GALNTL6: variants seen among roughly 807,000 people sequenced by gnomAD.
The protein encoded by GALNTL6 is polypeptide N-acetylgalactosaminyltransferase-like 6.
In GALNTL6, 46 loss-of-function variants were observed where a neutral mutation model predicts 73.7. The observed-to-expected ratio is 0.62, with a 90% CI of 0.49 to 0.80. GALNTL6 has a LOEUF of 0.80. Among genes scored for constraint, GALNTL6 ranks in the 30% least tolerant of loss-of-function variants. GALNTL6 has a pLI of 0.00. For synonymous variants in GALNTL6, 259 were observed against 263.7 expected (o/e 0.98, Z 0.17); for missense variants, 604 against 755.0 (o/e 0.80, Z 2.34).
At chr4:172,143,022 T>C (rs1395337173) in intron 2 of GALNTL6, among the ~76,000 whole-genome samples, 1 of 152,000 alleles carries the variant, frequency 6.6e-6, no homozygotes, top group Non-Finnish European at 1.5e-5. Context: ...GATAGACAGA[T>C]AGATAGATAA....
chr4:172,825,473 G>A (rs545048119), intron 7 of GALNTL6, among the ~76,000 whole-genome samples: 1 of 152,242 alleles, frequency 6.6e-6, no homozygotes, highest in African/African-American at 2.4e-5. Flanking sequence ...ATGTTAGCGT[G>A]TTTTTCTATC....
intron 2 of GALNTL6, among the ~76,000 whole-genome samples, chr4:172,214,653 T>C (rs1736440125): frequency 6.6e-6 from 1 of 151,958 alleles, no homozygotes; most frequent in South Asian, 2.1e-4. Flanking sequence ...TAGCTGGGAT[T>C]ACAGGTACAT....
At chr4:171,848,232 T>G (rs955331848) in intron 2 of GALNTL6, among the ~76,000 whole-genome samples, 11 of 152,224 alleles carry the variant, frequency 7.2e-5, no homozygotes, top group Non-Finnish European at 1.3e-4. Context: ...TTTTATTTTC[T>G]GAGAATTTTA....
intron 5 of GALNTL6, among the ~76,000 whole-genome samples, chr4:172,734,606 G>C (rs1736344635): frequency 6.6e-6 from 1 of 152,132 alleles, no homozygotes; most frequent in South Asian, 2.1e-4. Context: ...TTACAGTCTT[G>C]AGAAGCTCTG....
intron 5 of GALNTL6, among the ~76,000 whole-genome samples, chr4:172,612,115 C>T (rs1478058651): frequency 2.0e-5 from 3 of 151,964 alleles, no homozygotes; most frequent in African/African-American, 7.2e-5. Context: ...ATGTAAAATG[C>T]CTGGCTAATA....
intron 2 of GALNTL6, among the ~76,000 whole-genome samples, chr4:171,859,928 C>T (rs1195840577): frequency 3.3e-5 from 5 of 152,130 alleles, no homozygotes; most frequent in Admixed American, 6.5e-5. Flanking sequence ...GGCCTGAGGC[C>T]TCGGACATAT....
At chr4:172,790,324 G>T (rs1579485931) in intron 5 of GALNTL6, among the ~76,000 whole-genome samples, 1 of 152,264 alleles carries the variant, frequency 6.6e-6, no homozygotes, top group South Asian at 2.1e-4. Context: ...TGGAGATTGG[G>T]GCATTAAGAA....
intron 2 of GALNTL6, among the ~76,000 whole-genome samples, chr4:171,969,247 A>C (rs985059131): frequency 1.3e-5 from 2 of 151,868 alleles, no homozygotes; most frequent in Admixed American, 6.6e-5. Flanking sequence ...CTGCTATAAG[A>C]CTCTGTTTAG....
At chr4:172,622,168 A>C (rs1445568123) in intron 5 of GALNTL6, among the ~76,000 whole-genome samples, 1 of 152,226 alleles carries the variant, frequency 6.6e-6, no homozygotes, top group South Asian at 2.1e-4. Flanking sequence ...ATAGTTATGA[A>C]AAATAGTCCA....
In GALNTL6 at chr4:172,330,202, AGCTGGGAGCTTCCAGGGCTCCACCTGT is replaced by A. The variant is rs1310081806; in HGVS notation, c.387-18318_387-18292del. The stretch of plus-strand genomic sequence containing the variant: ...CAACCGCTTTTGCTGAGAAGCCCAG[AGCTGGGAGCTTCCAGGGCTCCACCTGT>A]GCCTGAGCGGCCACTAAGCCAAGAC... On this transcript the variant is annotated intron_variant, in intron 4 of 12. Transcript: ENST00000506823. Among the ~76,000 whole-genome samples, 87 of 152,294 alleles carry A rather than the reference AGCTGGGAGCTTCCAGGGCTCCACCTGT, an allele frequency of 5.7e-4. 1 individual carries two copies. The highest frequency in any genetic ancestry group is 1.9e-3 in the African/African-American group (77 of 41,566).
chr4:172,075,185 G>C (rs1560911750), intron 2 of GALNTL6, among the ~76,000 whole-genome samples: 1 of 151,820 alleles, frequency 6.6e-6, no homozygotes, highest in Non-Finnish European at 1.5e-5. Context: ...TATGACTTAT[G>C]GGCAAAATTT....
intron 9 of GALNTL6, among the ~76,000 whole-genome samples, chr4:172,938,694 C>A (rs1748753834): frequency 6.6e-6 from 1 of 152,180 alleles, no homozygotes; most frequent in African/African-American, 2.4e-5. Flanking sequence ...AGCACCACTT[C>A]TCTCTCCTGC....
At chr4:172,689,340 A>G (rs1489816410) in intron 5 of GALNTL6, among the ~76,000 whole-genome samples, 1 of 152,206 alleles carries the variant, frequency 6.6e-6, no homozygotes, top group Non-Finnish European at 1.5e-5. Context: ...GCAAACTTGG[A>G]CAAGCCATTT....
intron 5 of GALNTL6, among the ~76,000 whole-genome samples, chr4:172,461,249 A>G (rs554171008): frequency 6.6e-6 from 1 of 152,330 alleles, no homozygotes; most frequent in African/African-American, 2.4e-5. Flanking sequence ...TAGCATTAGT[A>G]GAAAAACCTA....
chr4:172,141,850 G>A (rs1244617903), intron 2 of GALNTL6, among the ~76,000 whole-genome samples: 1 of 150,626 alleles, frequency 6.6e-6, no homozygotes, highest in Admixed American at 6.7e-5. Flanking sequence ...AATAAGCTAT[G>A]ACTGATAGGA....
At chr4:171,847,920 C>T (rs1735417786) in intron 2 of GALNTL6, among the ~76,000 whole-genome samples, 1 of 152,150 alleles carries the variant, frequency 6.6e-6, no homozygotes, top group Admixed American at 6.5e-5. Flanking sequence ...ATGACATTAC[C>T]TTCTCCCATG....
rs1735227160 is a variant in GALNTL6 at position 171,841,054 on chromosome 4, C to A, written c.138+26336C>A. ...GTTTCTAGAACCTCCGGTACTTGTACCAAGGGTGGCTGTGAACAAAACCTT... is the reference window on the plus strand; with the variant it reads ...GTTTCTAGAACCTCCGGTACTTGTAACAAGGGTGGCTGTGAACAAAACCTT... On this transcript the variant is annotated intron_variant, in intron 2 of 12. Transcript: ENST00000506823. 2.0e-5 allele frequency among the ~76,000 whole-genome samples: 3 copies of A among 152,262 alleles called. No homozygotes were observed. The South Asian group carries it at 6.2e-4, about 32-fold the overall frequency.
intron 11 of GALNTL6, among the ~76,000 whole-genome samples, chr4:173,014,850 A>T (rs943409783): frequency 1.3e-5 from 2 of 152,228 alleles, no homozygotes; most frequent in Non-Finnish European, 2.9e-5. Context: ...TTAATATTAA[A>T]GCAAAGAAAT....
At chr4:173,026,738 A>AT (rs1298067357) in intron 12 of GALNTL6, among the ~76,000 whole-genome samples, 2 of 151,718 alleles carry the variant, frequency 1.3e-5, no homozygotes, top group South Asian at 2.1e-4. Flanking sequence ...ATTTTTAGGG[A>AT]TTTTTTCTAT....
Sources: gnomAD v4.1 joint callset for allele counts (sites outside exome capture counted in the v4.1 genomes callset) on GRCh38, gnomAD v4.1.1 for gene constraint, MANE v1.5 for transcripts, NCBI Gene and HGNC (gene_info 2026-07-23, HGNC 2026-07-21) for gene names.